Variants in MIPOL1 observed in about 807,000 individuals in gnomAD.
The protein encoded by MIPOL1 is mirror-image polydactyly gene 1 protein.
MIPOL1 carries 57 observed loss-of-function variants against 60.9 expected under a neutral mutation model. The ratio of observed to expected loss-of-function variants is 0.94; its 90% CI spans 0.76 to 1.17. MIPOL1 has a LOEUF of 1.17. Ranked by LOEUF, MIPOL1 falls within the 50% of genes most tolerant of loss-of-function variation. The pLI is 0.00. For synonymous variants in MIPOL1, 179 were observed against 168.8 expected (o/e 1.06, Z -0.47); for missense variants, 551 against 511.6 (o/e 1.08, Z -0.74).
chr14:37,337,345 TATATATATATA>T (rs1287162594), intron 9 of MIPOL1, among the ~76,000 whole-genome samples: 13 of 31,598 alleles, frequency 4.1e-4, no homozygotes, highest in African/African-American at 1.6e-3. Flanking sequence ...TATATATATA[TATATATATATA>T]TTTTTTTTTT....
At chr14:37,436,561 A>G (rs1257404418) in intron 11 of MIPOL1, among the ~76,000 whole-genome samples, 3 of 152,254 alleles carry the variant, frequency 2.0e-5, no homozygotes, top group Non-Finnish European at 4.4e-5. Context: ...AATGTTAAAC[A>G]TACAGTACAA....
At chr14:37,524,888 C>T (rs767692208) in intron 12 of MIPOL1, among the ~76,000 whole-genome samples, 6 of 151,602 alleles carry the variant, frequency 4.0e-5, no homozygotes, top group African/African-American at 1.5e-4. Context: ...TTTAAAAAGA[C>T]AAAGGAAGTA....
chr14:37,296,923 G>C (rs2085777727), intron 7 of MIPOL1, among the ~76,000 whole-genome samples: 1 of 152,128 alleles, frequency 6.6e-6, no homozygotes, highest in Non-Finnish European at 1.5e-5. Flanking sequence ...CCAATCAATA[G>C]AAAAAGAGGG....
At chr14:37,488,497 G>T (rs552074981) in intron 11 of MIPOL1, among the ~76,000 whole-genome samples, 11 of 151,952 alleles carry the variant, frequency 7.2e-5, no homozygotes, top group Non-Finnish European at 1.6e-4. Context: ...TATAAATCTG[G>T]GTGCTCCTGT....
intron 9 of MIPOL1, among the ~76,000 whole-genome samples, chr14:37,356,705 A>G (rs1265826365): frequency 6.6e-6 from 1 of 152,198 alleles, no homozygotes; most frequent in Non-Finnish European, 1.5e-5. Context: ...TTTGACTCGG[A>G]AAGGGAACTC....
chr14:37,212,287 C>G (rs192572746), intron 1 of MIPOL1: 6 of 152,212 alleles, frequency 3.9e-5, no homozygotes, highest in Admixed American at 2.0e-4. Context: ...GTCCCTGATT[C>G]CAGAACTTGA....
chr14:37,403,651 G>T (rs186309438), intron 10 of MIPOL1, among the ~76,000 whole-genome samples: 37 of 151,534 alleles, frequency 2.4e-4, no homozygotes, highest in African/African-American at 8.7e-4. Flanking sequence ...TAGAAAGTTT[G>T]GTTCTGTTCA....
chr14:37,328,419 T>C (rs2089380913), intron 9 of MIPOL1, among the ~76,000 whole-genome samples: 1 of 152,120 alleles, frequency 6.6e-6, no homozygotes, highest in African/African-American at 2.4e-5. Context: ...CTAGCTGTGG[T>C]GAGGGACCAT....
Position 37,463,909 on chromosome 14 carries a change from A to T in MIPOL1, c.1032-35999A>T, listed in dbSNP as rs1006600793. On this transcript the variant is annotated intron_variant, in intron 11 of 12. Coordinates refer to ENST00000684589, the MANE Select transcript of MIPOL1 (RefSeq NM_001388067.1). ...AATCTACAAGAAACTCAAATAGCTC[A>T]ACAACAACAAAAACAACCCAATTAA... is the stretch of plus-strand genomic sequence containing the variant. Among the ~76,000 whole-genome samples the T allele has an allele frequency of 2.6e-5, 4 of 152,308 alleles. No individual in the cohort carries two copies. The South Asian group carries it at 6.2e-4, about 24-fold the overall frequency.
chr14:37,253,270 C>T (rs1251470065), intron 3 of MIPOL1, among the ~76,000 whole-genome samples: 1 of 151,708 alleles, frequency 6.6e-6, no homozygotes, highest in Non-Finnish European at 1.5e-5. Flanking sequence ...ATTTTTAAAT[C>T]TTTCACTTAC....
chr14:37,294,032 C>T (rs1461876969), intron 7 of MIPOL1, among the ~76,000 whole-genome samples: 6 of 152,270 alleles, frequency 3.9e-5, no homozygotes, highest in Middle Eastern at 6.8e-3. Context: ...CCCTGACCCC[C>T]GAGTAGCCTA....
chr14:37,230,092 T>C (rs769606442), intron 1 of MIPOL1, among the ~76,000 whole-genome samples: 1 of 152,184 alleles, frequency 6.6e-6, no homozygotes, highest in Non-Finnish European at 1.5e-5. Context: ...AAAAGACATG[T>C]GAGATAATGC....
chr14:37,451,117 CT>C (rs1362560563), intron 11 of MIPOL1, among the ~76,000 whole-genome samples: 1 of 152,096 alleles, frequency 6.6e-6, no homozygotes, highest in Non-Finnish European at 1.5e-5. Context: ...TTTTTAAGAT[CT>C]ATATCACATT....
intron 12 of MIPOL1, among the ~76,000 whole-genome samples, chr14:37,533,984 A>C (rs1216185458): frequency 6.6e-6 from 1 of 150,848 alleles, no homozygotes; most frequent in Non-Finnish European, 1.5e-5. Flanking sequence ...GCTACTTGGG[A>C]GGCTGAGGCA....
chr14:37,216,576 T>G (rs1159595469), intron 1 of MIPOL1, among the ~76,000 whole-genome samples: 1 of 152,184 alleles, frequency 6.6e-6, no homozygotes, highest in African/African-American at 2.4e-5. Flanking sequence ...TGAAATAATA[T>G]TAAGCATCCT....
chr14:37,340,112 T>G (rs1452199048), intron 9 of MIPOL1, among the ~76,000 whole-genome samples: 3 of 152,212 alleles, frequency 2.0e-5, no homozygotes, highest in African/African-American at 7.2e-5. Context: ...TTGTGTGCTT[T>G]CTTTTTCCTG....
At chr14:37,356,060 G>T (rs2091791169) in intron 9 of MIPOL1, among the ~76,000 whole-genome samples, 1 of 147,170 alleles carries the variant, frequency 6.8e-6, no homozygotes, top group African/African-American at 2.5e-5. Flanking sequence ...GGTCTTTGAT[G>T]ATGGTGATGT....
intron 12 of MIPOL1, among the ~76,000 whole-genome samples, chr14:37,533,645 T>C (rs999991122): frequency 1.3e-5 from 2 of 152,178 alleles, no homozygotes; most frequent in Non-Finnish European, 2.9e-5. Flanking sequence ...ATCTACATCC[T>C]TTTTAAAAAA....
intron 3 of MIPOL1, among the ~76,000 whole-genome samples, chr14:37,262,376 A>T (rs1222248247): frequency 6.6e-6 from 1 of 152,108 alleles, no homozygotes; most frequent in East Asian, 1.9e-4. Flanking sequence ...CTACTGTAGA[A>T]ATTCCATCAT....
Sources: gnomAD v4.1 joint callset for allele counts (sites outside exome capture counted in the v4.1 genomes callset) on GRCh38, gnomAD v4.1.1 for gene constraint, MANE v1.5 for transcripts, NCBI Gene and HGNC (gene_info 2026-07-23, HGNC 2026-07-21) for gene names.